The following RASGRF1 variants were observed in gnomAD, a reference collection of about 807,000 sequenced individuals.
The protein encoded by RASGRF1 is Ras protein specific guanine nucleotide releasing factor 1.
In RASGRF1, 40 loss-of-function variants were observed where a neutral mutation model predicts 138.7. That is an observed-to-expected ratio of 0.29 (90% CI 0.22 to 0.38). The LOEUF is 0.38. Ranked by LOEUF, RASGRF1 falls within the 10% of genes least tolerant of loss-of-function variation. RASGRF1 has a pLI of 1.00. For synonymous variants in RASGRF1, 614 were observed against 663.2 expected, an observed-to-expected ratio of 0.93 and a Z score of 1.14; for missense variants, 1,108 against 1,650.4, an observed-to-expected ratio of 0.67 and a Z score of 5.69.
chr15:78,972,390 C>A lies in RASGRF1; in HGVS notation c.3613-456G>T, dbSNP rs1338501131. ...GATTATAGGTGTGAGCGACCACACC[C>A]GGCCTCATGTTTTTTTTCTTTTTTT... On this transcript the variant is annotated intron_variant, in intron 25 of 26. Coordinates refer to ENST00000558480, the MANE Select transcript of RASGRF1 (RefSeq NM_001145648.3). Among the ~76,000 whole-genome samples the A allele has an allele frequency of 4.6e-5, 7 of 151,898 alleles. No individual in the cohort carries two copies. The South Asian group carries it at 1.5e-3, about 32-fold the overall frequency.
At chr15:79,043,150 T>C (rs1051754184) in intron 5 of RASGRF1, among the ~76,000 whole-genome samples, 3 of 152,188 alleles carry the variant, frequency 2.0e-5, no homozygotes, top group Non-Finnish European at 4.4e-5. Flanking sequence ...AGGAAGACAA[T>C]AGAGTAAATT....
At chr15:79,010,043 T>TG (rs1263226200) in intron 13 of RASGRF1, among the ~76,000 whole-genome samples, 1 of 150,134 alleles carries the variant, frequency 6.7e-6, no homozygotes, top group East Asian at 1.9e-4. Context: ...TTTTTTTTTT[T>TG]TTTTCTTTTG....
Position 79,010,846 on chromosome 15 carries a change from C to G in RASGRF1, c.1827-4412G>C, listed in dbSNP as rs371753566. ...CAGTTTTGGGTTGCTGGTGGCTGAC[C>G]TGAGACGCTGACCGCTACATCCATC... On this transcript the variant is annotated intron_variant, in intron 13 of 26. Coordinates refer to ENST00000558480, the MANE Select transcript of RASGRF1 (RefSeq NM_001145648.3). Among the ~76,000 whole-genome samples the G allele has an allele frequency of 6.6e-5, 10 of 152,290 alleles. No homozygotes were observed. In the East Asian group the frequency reaches 1.2e-3, roughly 18 times the overall value.
At chr15:78,998,060 G>C in intron 19 of RASGRF1, 36 bp downstream of exon 19, 1 of 1,554,928 alleles carries the variant, frequency 6.4e-7, no homozygotes, top group Non-Finnish European at 8.9e-7. Context: ...TGTCCCAGCA[G>C]GCAGTTCTGA....
chr15:79,034,070 A>G (rs765211733), intron 6 of RASGRF1, among the ~76,000 whole-genome samples: 24 of 152,170 alleles, frequency 1.6e-4, no homozygotes, highest in Non-Finnish European at 2.8e-4. Context: ...TTAGAGAAAA[A>G]CACGGGTCTT....
intron 2 of RASGRF1, among the ~76,000 whole-genome samples, chr15:79,062,946 C>T (rs567108202): frequency 5.2e-5 from 6 of 114,908 alleles, no homozygotes; most frequent in South Asian, 2.8e-4. Flanking sequence ...TTGTTGTTGT[C>T]GTAGGGGGGT....
intron 13 of RASGRF1, among the ~76,000 whole-genome samples, chr15:79,012,865 T>C (rs2056822309): frequency 6.6e-6 from 1 of 152,140 alleles, no homozygotes; most frequent in Admixed American, 6.5e-5. Flanking sequence ...GTATTTTTAG[T>C]AGAGACGAGG....
At chr15:78,965,488 A>T (rs183862657) in intron 26 of RASGRF1, among the ~76,000 whole-genome samples, 5 of 152,200 alleles carry the variant, frequency 3.3e-5, no homozygotes, top group African/African-American at 1.2e-4. Context: ...TGCTTTTTTT[A>T]TAAAGTCCTT....
At chr15:79,033,876 C>T (rs2057181154) in intron 6 of RASGRF1, among the ~76,000 whole-genome samples, 2 of 152,214 alleles carry the variant, frequency 1.3e-5, no homozygotes, top group African/African-American at 4.8e-5. Flanking sequence ...AGGCATGAGT[C>T]ACCGTGCTCG....
At chr15:79,063,502 T>C (rs900216407) in intron 2 of RASGRF1, among the ~76,000 whole-genome samples, 1 of 152,200 alleles carries the variant, frequency 6.6e-6, no homozygotes, top group African/African-American at 2.4e-5. Flanking sequence ...CCATTTATCT[T>C]CCATATATAA....
At chr15:79,074,163 G>A (rs957990692) in intron 1 of RASGRF1, among the ~76,000 whole-genome samples, 1 of 151,244 alleles carries the variant, frequency 6.6e-6, no homozygotes, top group African/African-American at 2.4e-5. Context: ...TAGATCTCCA[G>A]GCACTAGCTG....
rs1312316893 is a variant in RASGRF1, at chr15:79,006,008, G to A, written c.2075+178C>T. ...TGAGCTGTCCCTGCCTCTCTGCAGA[G>A]GGAGGCTTGGTTCCTGGGGAGAGGG... On this transcript the variant is annotated intron_variant, in intron 14 of 26. Transcript: ENST00000558480. This position sits in a 1 kb window ranked among gnomAD's most constrained non-coding sequence, Gnocchi z 4.0. Among the ~76,000 whole-genome samples the A allele has an allele frequency of 6.6e-6, 1 of 152,202 alleles. No individual in the cohort carries two copies. The highest frequency in any genetic ancestry group is 1.5e-5 in the Non-Finnish European group (1 of 68,030).
chr15:78,989,097 A>G (rs550130847), intron 22 of RASGRF1, among the ~76,000 whole-genome samples: 2 of 152,330 alleles, frequency 1.3e-5, no homozygotes, highest in East Asian at 3.9e-4. Flanking sequence ...ATTAAAGAAC[A>G]TTGCAAATGC....
intron 12 of RASGRF1, 38 bp downstream of exon 12, chr15:79,017,731 AG>A: frequency 6.3e-7 from 1 of 1,578,514 alleles, no homozygotes; most frequent in East Asian, 2.3e-5. Flanking sequence ...TTAGGCATGA[AG>A]GGACCACTCG....
rs1380869930 is a variant in RASGRF1 at position 79,035,156 on chromosome 15, G to C, written c.933C>G (p.Ile311Met). ...CCAGGACCAGCGTGGGCCAGCTGGA[G>C]ATGCGGGCCTTCAGGCCTTGGTAAA... ...QIFYQGLKAR[I>M]SSWPTLVLAD... is the part of the protein sequence containing the mutation. Residue 311 changes from isoleucine (I) to methionine (M), a missense_variant, in exon 6 of 27, where the codon ATC (isoleucine) becomes ATG (methionine). By Grantham distance (10) the Ile-to-Met change is conservative. Coordinates refer to ENST00000558480, the MANE Select transcript of RASGRF1 (RefSeq NM_001145648.3). 1 of 1,613,838 alleles carries C rather than the reference G, an allele frequency of 6.2e-7. No individual in the cohort carries two copies.
chr15:79,010,028 G>GC (rs2056763442), intron 13 of RASGRF1, among the ~76,000 whole-genome samples: 1 of 143,322 alleles, frequency 7.0e-6, no homozygotes, highest in Admixed American at 7.0e-5. Flanking sequence ...CAGCCTCTTT[G>GC]TTTGTTTTTT....
chr15:78,980,551 C>A, intron 24 of RASGRF1, 69 bp downstream of exon 24: 1 of 1,280,304 alleles, frequency 7.8e-7, no homozygotes. Context: ...CTGGGGGCGG[C>A]ACGTGAATGC....
intron 3 of RASGRF1, among the ~76,000 whole-genome samples, chr15:79,055,201 C>CTGG (rs1023168022): frequency 6.6e-6 from 1 of 152,156 alleles, no homozygotes; most frequent in Non-Finnish European, 1.5e-5. Context: ...GTCTAAGACC[C>CTGG]TGGGCCTTCC....
chr15:78,995,794 C>G lies in RASGRF1; in HGVS notation c.2973G>C (p.Leu991=). Residue 991 remains leucine (L), a synonymous_variant, in exon 20 of 27, where the codon CTG becomes CTC. Coordinates refer to ENST00000558480, the MANE Select transcript of RASGRF1 (RefSeq NM_001145648.3). The stretch of plus-strand genomic sequence containing the variant: ...GGTTGTCACCTGGGTCCTCCTGGGT[C>G]AGAGTCCTAGGCAGGAGCGAGAAGG... The part of the protein sequence containing the change: ...RKAAANIIRT[L]TQEDPGDNQI... The G allele has an allele frequency of 6.2e-7, 1 of 1,614,166 alleles. No individual in the cohort carries two copies.
Sources: allele counts gnomAD v4.1 joint callset (sites outside exome capture counted in the v4.1 genomes callset), GRCh38; gene constraint gnomAD v4.1.1; non-coding constraint Gnocchi (gnomAD v3.1); transcripts MANE v1.5; gene names NCBI Gene and HGNC (gene_info 2026-07-23, HGNC 2026-07-21).